The following C12orf56 variants were observed in gnomAD, a reference collection of about 807,000 sequenced individuals.
The protein encoded by C12orf56 is chromosome 12 open reading frame 56, also known as uncharacterized protein C12orf56.
C12orf56 carries 71 observed loss-of-function variants against 69.9 expected under a neutral mutation model. The ratio of observed to expected loss-of-function variants is 1.02; its 90% CI spans 0.84 to 1.24. The LOEUF (loss-of-function observed/expected upper bound fraction) is 1.24, where lower values mean the gene tolerates loss of function less well. C12orf56 is among the 50% of genes most tolerant of loss of function. The probability of loss-of-function intolerance (pLI) is 0.00; values close to 1 mark genes in which losing one functional copy is unlikely to be tolerated. For synonymous variants in C12orf56, 276 were observed against 274.1 expected, an observed-to-expected ratio of 1.01 and a Z score of -0.07; for missense variants, 732 against 738.5, an observed-to-expected ratio of 0.99 and a Z score of 0.10.
intron 1 of C12orf56, among the ~76,000 whole-genome samples, chr12:64,387,812 C>CAAACA (rs761666907): frequency 2.5e-4 from 38 of 151,828 alleles, no homozygotes; most frequent in African/African-American, 4.3e-4. Context: ...GCCCTGTCTC[C>CAAACA]AAACAAAACA....
intron 6 of C12orf56, among the ~76,000 whole-genome samples, chr12:64,298,368 GA>G (rs1432302769): frequency 6.6e-6 from 1 of 152,182 alleles, no homozygotes; most frequent in African/African-American, 2.4e-5. Flanking sequence ...TTGCTGTGCA[GA>G]AGCTCTTTAG....
intron 5 of C12orf56, among the ~76,000 whole-genome samples, chr12:64,306,853 A>G (rs2136811926): frequency 6.6e-6 from 1 of 152,320 alleles, no homozygotes; most frequent in East Asian, 1.9e-4. Flanking sequence ...CATCTGTGAC[A>G]CAGTTCTAAA....
intron 5 of C12orf56, among the ~76,000 whole-genome samples, chr12:64,307,264 A>G (rs1356465884): frequency 6.6e-6 from 1 of 152,094 alleles, no homozygotes; most frequent in East Asian, 1.9e-4. Context: ...TAATTCTTAC[A>G]TACCTCAGAA....
intron 4 of C12orf56, among the ~76,000 whole-genome samples, chr12:64,318,019 C>T (rs1175422571): frequency 6.6e-6 from 1 of 151,070 alleles, no homozygotes; most frequent in Non-Finnish European, 1.5e-5. Context: ...TTCTTCATGA[C>T]TTCCATGACT....
chr12:64,297,899 C>T (rs1032562880), intron 6 of C12orf56, among the ~76,000 whole-genome samples: 1 of 152,072 alleles, frequency 6.6e-6, no homozygotes, highest in African/African-American at 2.4e-5. Context: ...GGGTATATAC[C>T]CACTAATGGG....
At chr12:64,283,288 G>A (rs929424573) in intron 8 of C12orf56, among the ~76,000 whole-genome samples, 4 of 152,224 alleles carry the variant, frequency 2.6e-5, no homozygotes, top group Non-Finnish European at 5.9e-5. Flanking sequence ...AGGGTGCAGT[G>A]AGCTGAAATC....
chr12:64,274,289 A>G (rs1329702934), intron 11 of C12orf56, among the ~76,000 whole-genome samples: 1 of 152,216 alleles, frequency 6.6e-6, no homozygotes, highest in Non-Finnish European at 1.5e-5. Flanking sequence ...AGACCCACAC[A>G]GCAGGGAGGC....
intron 4 of C12orf56, among the ~76,000 whole-genome samples, chr12:64,315,210 C>T (rs1217829228): frequency 6.6e-6 from 1 of 151,934 alleles, no homozygotes; most frequent in African/African-American, 2.4e-5. Context: ...CCTCAGCCAC[C>T]CAACCTGTCT....
At chr12:64,326,672 G>A (rs6581538) in intron 3 of C12orf56, among the ~76,000 whole-genome samples, 67,664 of 151,382 alleles carry the variant, frequency 0.45, 15,480 homozygotes, top group African/African-American at 0.54. Flanking sequence ...CCCAGGAGGC[G>A]GAGGTTGCAG....
intron 9 of C12orf56, 30 bp downstream of exon 9, chr12:64,277,650 A>ATAT (rs1555185573): frequency 1.0e-5 from 14 of 1,393,450 alleles, no homozygotes; most frequent in South Asian, 5.1e-5. Flanking sequence ...ATATATATAT[A>ATAT]ATAGTTTACC....
chr12:64,362,303 G>A (rs766844475), intron 1 of C12orf56, among the ~76,000 whole-genome samples: 2 of 152,128 alleles, frequency 1.3e-5, no homozygotes, highest in Non-Finnish European at 2.9e-5. Flanking sequence ...ACCGGAAAGT[G>A]GTCTCGATAC....
intron 1 of C12orf56, among the ~76,000 whole-genome samples, chr12:64,368,860 CAT>C (rs2039532705): frequency 6.6e-6 from 1 of 152,086 alleles, no homozygotes; most frequent in Admixed American, 6.6e-5. Context: ...TTGATTTCCT[CAT>C]GTGTAAAACG....
chr12:64,307,925 A>G (rs1220659482), intron 5 of C12orf56, among the ~76,000 whole-genome samples: 1 of 152,036 alleles, frequency 6.6e-6, no homozygotes, highest in East Asian at 1.9e-4. Flanking sequence ...CTGAGGTGGA[A>G]GGATTGCTTG....
At chr12:64,362,080 C>A (rs1390620351) in intron 1 of C12orf56, among the ~76,000 whole-genome samples, 1 of 151,990 alleles carries the variant, frequency 6.6e-6, no homozygotes, top group Non-Finnish European at 1.5e-5. Context: ...GGACTCGCCT[C>A]GAATTCTTTC....
intron 1 of C12orf56, among the ~76,000 whole-genome samples, chr12:64,367,292 C>CAGTTTATATATTATATATAATATAT (rs1555194382): frequency 0.14 from 15,352 of 106,168 alleles, 2,383 homozygotes; most frequent in East Asian, 0.36. Flanking sequence ...ATATAATATA[C>CAGTTTATATATTATATATAATATAT]AGTTTATATA....
At chr12:64,301,710 T>G (rs1282141243) in intron 6 of C12orf56, among the ~76,000 whole-genome samples, 2 of 152,222 alleles carry the variant, frequency 1.3e-5, no homozygotes, top group African/African-American at 2.4e-5. Flanking sequence ...GGCCTTTCCC[T>G]TCTTTCCCAG....
Position 64,366,892 on chromosome 12 carries a change from CAT to C in C12orf56, c.253-13838_253-13837del, listed in dbSNP as rs1450662172. Among the ~76,000 whole-genome samples the C allele has an allele frequency of 6.2e-3, 783 of 126,542 alleles. 38 individuals are homozygous for C. The highest frequency in any genetic ancestry group is 0.023 in the African/African-American group (724 of 31,950). 83.0% of individuals were successfully genotyped at this position (126,542 alleles called of 152,430 possible). On this transcript the variant is annotated intron_variant, in intron 1 of 12. Transcript: ENST00000543942. ...CATACAGTTTATATATATTATATAA[CAT>C]ACAGTTTATATATTATATATAACAC... is the stretch of plus-strand genomic sequence containing the variant.
intron 3 of C12orf56, among the ~76,000 whole-genome samples, chr12:64,327,164 T>C (rs779962288): frequency 1.3e-5 from 2 of 151,092 alleles, no homozygotes; most frequent in Non-Finnish European, 2.9e-5. Flanking sequence ...CTTGGCCTTC[T>C]CAGCCTCCAT....
chr12:64,334,678 G>A (rs1003523861), intron 2 of C12orf56, among the ~76,000 whole-genome samples: 24 of 152,042 alleles, frequency 1.6e-4, no homozygotes, highest in Non-Finnish European at 2.6e-4. Flanking sequence ...TGGAGCTCAC[G>A]ACTATGGAGA....
Sources: gnomAD v4.1 joint callset for allele counts (sites outside exome capture counted in the v4.1 genomes callset) on GRCh38, gnomAD v4.1.1 for gene constraint, MANE v1.5 for transcripts, NCBI Gene and HGNC (gene_info 2026-07-23, HGNC 2026-07-21) for gene names.